Variants in EPM2A observed in about 807,000 individuals in gnomAD.
EPM2A encodes EPM2A glucan phosphatase, laforin, also known as laforin.
EPM2A carries 21 observed loss-of-function variants against 26.5 expected under a neutral mutation model. The ratio of observed to expected loss-of-function variants is 0.79; its 90% CI spans 0.56 to 1.14. EPM2A has a LOEUF of 1.14. EPM2A is among the 50% of genes most tolerant of loss of function. The probability of loss-of-function intolerance (pLI) is 0.00; values close to 1 mark genes in which losing one functional copy is unlikely to be tolerated. For missense variants in EPM2A, 458 were observed against 440.8 expected (o/e 1.04, Z -0.35); for synonymous variants, 217 against 177.6 (o/e 1.22, Z -1.76).
chr6:145,502,173 A>G (rs549241730), intron 3 of EPM2A, among the ~76,000 whole-genome samples: 2 of 152,378 alleles, frequency 1.3e-5, no homozygotes, highest in African/African-American at 4.8e-5. Context: ...TTGGAAGTCA[A>G]TTAAAGGAAA....
chr6:145,651,310 TGA>T (rs1562443948), intron 2 of EPM2A, among the ~76,000 whole-genome samples: 1 of 152,238 alleles, frequency 6.6e-6, no homozygotes, highest in Non-Finnish European at 1.5e-5. Flanking sequence ...AAAATGATGG[TGA>T]TTAAGTAGAC....
At chr6:145,491,041 C>A in intron 4 of EPM2A, 1 of 885,904 alleles carries the variant, frequency 1.1e-6, no homozygotes. Flanking sequence ...TCAACAGGTT[C>A]TGATTCTGCA....
chr6:145,433,168 C>T (rs989405975), intron 4 of EPM2A, among the ~76,000 whole-genome samples: 3 of 152,132 alleles, frequency 2.0e-5, no homozygotes, highest in African/African-American at 7.2e-5. Flanking sequence ...ATTTTAATTT[C>T]CTTCAAGAAC....
At chr6:145,689,298 T>A (rs551058440) in intron 1 of EPM2A, among the ~76,000 whole-genome samples, 1 of 152,132 alleles carries the variant, frequency 6.6e-6, no homozygotes, top group Non-Finnish European at 1.5e-5. Context: ...ATGGCAAAAA[T>A]GAATAGTAAA....
At chr6:145,548,748 T>C (rs1395832620) in intron 2 of EPM2A, among the ~76,000 whole-genome samples, 1 of 152,078 alleles carries the variant, frequency 6.6e-6, no homozygotes, top group Non-Finnish European at 1.5e-5. Context: ...TTAAAAGTCC[T>C]CTTTGTTTTC....
intron 4 of EPM2A, among the ~76,000 whole-genome samples, chr6:145,419,008 C>G (rs1260092150): frequency 1.3e-5 from 2 of 152,178 alleles, no homozygotes; most frequent in Admixed American, 6.5e-5. Flanking sequence ...ACTGGCGAGT[C>G]AGAGGCCTTT....
chr6:145,496,620 T>A (rs186175007), downstream of EPM2A, among the ~76,000 whole-genome samples: 276 of 152,318 alleles, frequency 1.8e-3, no homozygotes, highest in African/African-American at 5.5e-3. Context: ...TCTATTCTGC[T>A]ATTAATACTT....
chr6:145,526,957 G>A (rs1780282533), intron 2 of EPM2A, among the ~76,000 whole-genome samples: 1 of 151,980 alleles, frequency 6.6e-6, no homozygotes, highest in African/African-American at 2.4e-5. Context: ...TGCTTTTGCT[G>A]CATCCCAGGG....
At position 145,541,951 on chromosome 6, in the gene EPM2A, T is replaced by C. The variant is rs537291811; in HGVS notation, c.341-39376A>G. ...TACCTTTTTTTTAAAACCTCACTTT[T>C]ACATATGAGGAGATGATGCTTAAAA... is the stretch of plus-strand genomic sequence containing the variant. On this transcript the variant is annotated intron_variant, in intron 2 of 3. Coordinates refer to the EPM2A transcript ENST00000450221. 5.9e-5 allele frequency among the ~76,000 whole-genome samples: 9 copies of C among 152,116 alleles called. No individual in the cohort carries two copies. In the South Asian group the frequency reaches 1.0e-3, roughly 18 times the overall value.
chr6:145,427,299 G>C (rs1039969630), intron 4 of EPM2A, among the ~76,000 whole-genome samples: 2 of 152,196 alleles, frequency 1.3e-5, no homozygotes, highest in Non-Finnish European at 2.9e-5. Flanking sequence ...ATTTTAAATA[G>C]GGTGGTAAAT....
intron 2 of EPM2A, among the ~76,000 whole-genome samples, chr6:145,592,572 T>C (rs372776971): frequency 7.9e-5 from 12 of 152,098 alleles, no homozygotes; most frequent in African/African-American, 2.9e-4. Context: ...TCTACAATGG[T>C]TGAACTAGTT....
chr6:145,697,935 T>G (rs962545548), intron 1 of EPM2A, among the ~76,000 whole-genome samples: 4 of 152,102 alleles, frequency 2.6e-5, no homozygotes, highest in Non-Finnish European at 5.9e-5. Flanking sequence ...ACGAAGATGA[T>G]GGGATTAAGA....
intron 4 of EPM2A, among the ~76,000 whole-genome samples, chr6:145,446,777 A>C (rs910013717): frequency 1.3e-5 from 2 of 152,072 alleles, no homozygotes; most frequent in African/African-American, 4.8e-5. Flanking sequence ...TCAACAAAAT[A>C]CTCAAAAGGA....
At chr6:145,734,308 GT>G (rs1776684910) in intron 1 of EPM2A, among the ~76,000 whole-genome samples, 1 of 151,960 alleles carries the variant, frequency 6.6e-6, no homozygotes, top group East Asian at 1.9e-4. Flanking sequence ...CTAACATATT[GT>G]TAGGCAAGAA....
intron 2 of EPM2A, among the ~76,000 whole-genome samples, chr6:145,682,174 T>C (rs1437042504): frequency 6.6e-6 from 1 of 152,142 alleles, no homozygotes; most frequent in Non-Finnish European, 1.5e-5. Flanking sequence ...AAGTCACGTC[T>C]TACATGGATG....
rs142930239 is a variant in EPM2A at position 145,388,662 on chromosome 6, C to T, written c.556-4565G>A. Among the ~76,000 whole-genome samples, 237 of 152,258 alleles carry T rather than the reference C, an allele frequency of 1.6e-3. 2 individuals carry two copies. The highest frequency in any genetic ancestry group is 5.4e-3 in the African/African-American group (225 of 41,546). On this transcript the variant is annotated intron_variant, in intron 4 of 4. Coordinates refer to the EPM2A transcript ENST00000638717. The stretch of plus-strand genomic sequence containing the variant: ...TATTTCTCCTAATGCTGTCCCTCCC[C>T]TTGCCCCTCAGCCCCTGACAGGCCC...
At chr6:145,689,768 T>G (rs1781156795) in intron 1 of EPM2A, among the ~76,000 whole-genome samples, 1 of 152,198 alleles carries the variant, frequency 6.6e-6, no homozygotes, top group Admixed American at 6.5e-5. Context: ...CAAGCTGTAT[T>G]GCAGTGCCTC....
intron 4 of EPM2A, among the ~76,000 whole-genome samples, chr6:145,399,500 T>A (rs563582267): frequency 6.6e-6 from 1 of 152,346 alleles, no homozygotes; most frequent in Admixed American, 6.5e-5. Context: ...GCAGAAACTC[T>A]GTGTGTAGTA....
chr6:145,733,773 A>G (rs1333107634), intron 1 of EPM2A, among the ~76,000 whole-genome samples: 1 of 152,234 alleles, frequency 6.6e-6, no homozygotes, highest in Non-Finnish European at 1.5e-5. Context: ...GTAGAGAAGG[A>G]GAACAAGGAT....
Sources: allele counts gnomAD v4.1 joint callset (sites outside exome capture counted in the v4.1 genomes callset), GRCh38; gene constraint gnomAD v4.1.1; transcripts MANE v1.5; gene names NCBI Gene and HGNC (gene_info 2026-07-23, HGNC 2026-07-21).